The following FLRT2 variants were observed in gnomAD, a reference collection of about 807,000 sequenced individuals.
FLRT2 encodes the protein leucine-rich repeat transmembrane protein FLRT2.
Under a neutral mutation model 40.0 loss-of-function variants are expected in FLRT2, and 15 were observed. That is an observed-to-expected ratio of 0.38 (90% CI 0.25 to 0.58). The LOEUF (loss-of-function observed/expected upper bound fraction) is 0.58. Among genes scored for constraint, FLRT2 ranks in the 20% least tolerant of loss-of-function variants. FLRT2 has a pLI of 0.71. For synonymous variants in FLRT2, 380 were observed against 336.8 expected (o/e 1.13, Z -1.41); for missense variants, 726 against 840.0 (o/e 0.86, Z 1.68).
intron 1 of FLRT2, among the ~76,000 whole-genome samples, chr14:85,532,909 C>T (rs1888372788): frequency 1.3e-5 from 2 of 152,196 alleles, no homozygotes; most frequent in African/African-American, 4.8e-5. Flanking sequence ...GGGAATTCTC[C>T]TTTCAGGGTT....
chr14:85,553,876 C>T (rs1889793385), intron 1 of FLRT2, among the ~76,000 whole-genome samples: 2 of 152,124 alleles, frequency 1.3e-5, no homozygotes, highest in Non-Finnish European at 2.9e-5. Flanking sequence ...TGTCTTAAAA[C>T]TGAACTCTGC....
chr14:85,613,163 T>G (rs1892971469), intron 1 of FLRT2, among the ~76,000 whole-genome samples: 1 of 152,034 alleles, frequency 6.6e-6, no homozygotes, highest in Non-Finnish European at 1.5e-5. Context: ...ATATTGTTAT[T>G]ATATAAGTAA....
chr14:85,537,888 T>G (rs923104508), intron 1 of FLRT2, among the ~76,000 whole-genome samples: 2 of 151,608 alleles, frequency 1.3e-5, no homozygotes, highest in Non-Finnish European at 2.9e-5. Context: ...TCTACTGGTG[T>G]TTTTGGTTTT....
rs1056299644 is a variant in FLRT2 at position 85,626,479 on chromosome 14, T to C, written c.*2982T>C. The C allele has an allele frequency of 1.8e-5, 3 of 167,080 alleles. No homozygotes were observed. The highest frequency in any genetic ancestry group is 7.2e-5 in the African/African-American group (3 of 41,458). 10.3% of individuals were successfully genotyped at this position (167,080 alleles called of 1,614,324 possible). On this transcript the variant is annotated 3_prime_UTR_variant, in exon 2 of 2. Coordinates refer to ENST00000330753, the MANE Select transcript of FLRT2 (RefSeq NM_013231.6). Reference sequence around the variant, plus strand: ...CTGATCCCATTCAGAGCTTGGTAAATGTCACTGTACAGAAGACATTGAAAA... The same window carrying C: ...CTGATCCCATTCAGAGCTTGGTAAACGTCACTGTACAGAAGACATTGAAAA...
intron 1 of FLRT2, among the ~76,000 whole-genome samples, chr14:85,613,661 CT>C: frequency 1.3e-5 from 2 of 152,258 alleles, no homozygotes; most frequent in Middle Eastern, 6.8e-3. Context: ...ACAAACAGAT[CT>C]TGAATGCCTG....
At chr14:85,540,293 A>T (rs1378214834) in intron 1 of FLRT2, among the ~76,000 whole-genome samples, 2 of 152,188 alleles carry the variant, frequency 1.3e-5, no homozygotes, top group Non-Finnish European at 2.9e-5. Flanking sequence ...AAGACAATTT[A>T]TTATGAAGCC....
rs1446414408 is a variant in FLRT2, at chr14:85,632,649, A to G, written c.*9152A>G. On this transcript the variant is annotated 3_prime_UTR_variant, in exon 2 of 2. Coordinates refer to ENST00000330753, the MANE Select transcript of FLRT2 (RefSeq NM_013231.6). ...AGCAAAATTAAAAAAGACAGTCATT[A>G]TTCACTATGTCATATCCCATATAAA... The G allele has an allele frequency of 6.6e-6, 1 of 151,930 alleles. No individual in the cohort carries two copies. Among genetic ancestry groups the G allele is most frequent in the Non-Finnish European group, 1.5e-5 (1 of 68,016 alleles). 9.4% of individuals were successfully genotyped at this position (151,930 alleles called of 1,614,324 possible).
At position 85,647,991 on chromosome 14, in the gene FLRT2, A is replaced by C. The variant is rs748276914; in HGVS notation, c.*24494A>C. 2 of 152,096 alleles carry C rather than the reference A, an allele frequency of 1.3e-5. No individual in the cohort carries two copies. The highest frequency in any genetic ancestry group is 2.9e-5 in the Non-Finnish European group (2 of 68,020). The allele number at this position is 152,096 out of a possible 1,614,324, so 9.4% of individuals were successfully genotyped here. A position where few individuals can be genotyped will look rare whatever the true frequency, so the allele number is the denominator to read the frequency against. ...TCTTTGCCTTGTTATGCATGTACTGACTTTTTACCTCTTTCTTTTTCCCTA... is the reference window on the plus strand; with the variant it reads ...TCTTTGCCTTGTTATGCATGTACTGCCTTTTTACCTCTTTCTTTTTCCCTA... On this transcript the variant is annotated 3_prime_UTR_variant, in exon 2 of 2. Transcript: ENST00000330753.
intron 1 of FLRT2, among the ~76,000 whole-genome samples, chr14:85,573,171 C>T (rs1763006274): frequency 6.6e-6 from 1 of 151,932 alleles, no homozygotes; most frequent in Non-Finnish European, 1.5e-5. Context: ...GGATGGGTGG[C>T]AAGTTATTTT....
At chr14:85,548,761 C>T (rs142976022) in intron 1 of FLRT2, among the ~76,000 whole-genome samples, 68 of 152,196 alleles carry the variant, frequency 4.5e-4, no homozygotes, top group African/African-American at 1.2e-3. Context: ...TGGTCCCTGG[C>T]GAGAGCCACA....
intron 1 of FLRT2, among the ~76,000 whole-genome samples, chr14:85,620,083 G>A (rs1595093889): frequency 6.6e-6 from 1 of 152,310 alleles, no homozygotes; most frequent in East Asian, 1.9e-4. Flanking sequence ...GTGGGCTGGA[G>A]CTTAGTCATT....
rs112299866 is a variant in FLRT2 at position 85,643,598 on chromosome 14, A to T, written c.*20101A>T. 33,480 of 151,460 alleles carry T rather than the reference A, an allele frequency of 0.22. 3,880 individuals carry two copies. Among genetic ancestry groups the T allele is most frequent in the East Asian group, 0.3 (1,505 of 5,098 alleles). The allele number at this position is 151,460 out of a possible 1,614,324, so 9.4% of individuals were successfully genotyped here. On this transcript the variant is annotated 3_prime_UTR_variant, in exon 2 of 2. Transcript: ENST00000330753. ...AGTAGAGACGGGGTTTCACCATATT[A>T]GCCAGGCTGCTCTCAAACTCCTGAC...
Position 85,585,821 on chromosome 14 carries a change from G to T in FLRT2, c.-376-35318G>T, listed in dbSNP as rs558505416. ...CTGCCATGAGGTCTGTCTAGGTGAAGAGCTGGGGAACCAAAGATGAGCAGC... is the reference window on the plus strand; with the variant it reads ...CTGCCATGAGGTCTGTCTAGGTGAATAGCTGGGGAACCAAAGATGAGCAGC... On this transcript the variant is annotated intron_variant, in intron 1 of 1. Coordinates refer to ENST00000330753, the MANE Select transcript of FLRT2 (RefSeq NM_013231.6). Among the ~76,000 whole-genome samples the T allele has an allele frequency of 2.0e-4, 30 of 152,226 alleles. 1 individual carries two copies. The South Asian group carries it at 6.0e-3, about 31-fold the overall frequency.
At chr14:85,608,592 A>G (rs1160672617) in intron 1 of FLRT2, among the ~76,000 whole-genome samples, 1 of 152,110 alleles carries the variant, frequency 6.6e-6, no homozygotes. Flanking sequence ...ATTTTTATTT[A>G]ATTGTGGTAA....
chr14:85,566,549 TTGTGTG>T (rs61634735), intron 1 of FLRT2, among the ~76,000 whole-genome samples: 6 of 130,824 alleles, frequency 4.6e-5, no homozygotes, highest in African/African-American at 1.1e-4. Context: ...ACTTCCATGG[TTGTGTG>T]TGTGTGTGTG....
chr14:85,535,157 G>A (rs1888568398), intron 1 of FLRT2, among the ~76,000 whole-genome samples: 1 of 152,158 alleles, frequency 6.6e-6, no homozygotes, highest in African/African-American at 2.4e-5. Context: ...CCACTCAGCT[G>A]GGAGGCTCTT....
At chr14:85,571,633 A>G (rs1890896386) in intron 1 of FLRT2, among the ~76,000 whole-genome samples, 1 of 152,152 alleles carries the variant, frequency 6.6e-6, no homozygotes, top group Non-Finnish European at 1.5e-5. Flanking sequence ...AATCTTATTT[A>G]GGTGGGCTGT....
At chr14:85,540,645 T>A (rs902208098) in intron 1 of FLRT2, among the ~76,000 whole-genome samples, 4 of 152,170 alleles carry the variant, frequency 2.6e-5, no homozygotes, top group Non-Finnish European at 5.9e-5. Flanking sequence ...ATTTGAGGTA[T>A]GAAGTCTGTA....
At chr14:85,609,987 A>G (rs940353441) in intron 1 of FLRT2, among the ~76,000 whole-genome samples, 17 of 152,154 alleles carry the variant, frequency 1.1e-4, no homozygotes, top group Non-Finnish European at 5.9e-5. Context: ...TTTACTTGCT[A>G]GGGAACAGTG....
Sources: allele counts gnomAD v4.1 joint callset (sites outside exome capture counted in the v4.1 genomes callset), GRCh38; gene constraint gnomAD v4.1.1; transcripts MANE v1.5; gene names NCBI Gene and HGNC (gene_info 2026-07-23, HGNC 2026-07-21).